The following PROCR variants were observed in gnomAD, a reference collection of about 807,000 sequenced individuals.
PROCR encodes the protein endothelial protein C receptor.
A neutral mutation model predicts 24.2 loss-of-function variants in PROCR; 22 were observed. The ratio of observed to expected loss-of-function variants is 0.91; its 90% CI spans 0.65 to 1.30. The LOEUF is 1.30. PROCR is among the 50% of genes most tolerant of loss of function. PROCR has a pLI of 0.00. For synonymous variants in PROCR, 137 were observed against 139.2 expected (o/e 0.98, Z 0.11); for missense variants, 288 against 307.7 (o/e 0.94, Z 0.48).
rs916185418 is a variant in PROCR, at chr20:35,209,396, C to T, written c.95-6497C>T. 4.6e-5 allele frequency among the ~76,000 whole-genome samples: 7 copies of T among 152,046 alleles called. No individual in the cohort carries two copies. In the East Asian group the frequency reaches 7.7e-4, roughly 17 times the overall value. On this transcript the variant is annotated intron_variant, in intron 1 of 1. Transcript: ENST00000634509. ...GGCTTTTTGCAGTTCGGGAATCCCACGAGACATTAAGGTATAGATGTGGAA... is the reference window on the plus strand; with the variant it reads ...GGCTTTTTGCAGTTCGGGAATCCCATGAGACATTAAGGTATAGATGTGGAA...
At chr20:35,188,955 A>G (rs1283052822) in intron 1 of PROCR, among the ~76,000 whole-genome samples, 2 of 152,148 alleles carry the variant, frequency 1.3e-5, no homozygotes, top group African/African-American at 4.8e-5. Flanking sequence ...TTAATCTCTT[A>G]ATCCCATCAT....
intron 1 of PROCR, among the ~76,000 whole-genome samples, chr20:35,183,515 GCA>G (rs2086097099): frequency 6.6e-6 from 1 of 152,122 alleles, no homozygotes; most frequent in Admixed American, 6.6e-5. Flanking sequence ...TGTACATCCT[GCA>G]GAAGTGTGAG....
At chr20:35,215,928 T>G in exon 2 of PROCR, 1 of 980,468 alleles carries the variant, frequency 1.0e-6, no homozygotes, top group South Asian at 4.7e-5. Flanking sequence ...CCGGGCGCAG[T>G]GGCTCACTCC....
rs951164718 is a variant in PROCR at position 35,195,681 on chromosome 20, T to G, written c.94+19235T>G. 2.0e-5 allele frequency among the ~76,000 whole-genome samples: 3 copies of G among 150,956 alleles called. No individual in the cohort carries two copies. The South Asian group carries it at 6.3e-4, about 32-fold the overall frequency. On this transcript the variant is annotated intron_variant, in intron 1 of 1. Coordinates refer to the PROCR transcript ENST00000634509. ...ACTAAAAACACAAAAATTAGCCAGG[T>G]GTGGTGGTGCTTGCCTATAATCCCA...
intron 1 of PROCR, among the ~76,000 whole-genome samples, chr20:35,184,857 A>C (rs1211804277): frequency 6.6e-6 from 1 of 152,170 alleles, no homozygotes; most frequent in Non-Finnish European, 1.5e-5. Flanking sequence ...TTGCAATATA[A>C]ATAAAGGTAA....
At chr20:35,199,516 C>T (rs770830207) in intron 1 of PROCR, among the ~76,000 whole-genome samples, 2 of 152,022 alleles carry the variant, frequency 1.3e-5, no homozygotes, top group Non-Finnish European at 2.9e-5. Flanking sequence ...TTTGAGAGGC[C>T]GAGGTGGGCG....
intron 1 of PROCR, among the ~76,000 whole-genome samples, chr20:35,185,392 C>A (rs1375122167): frequency 6.6e-6 from 1 of 152,128 alleles, no homozygotes. Flanking sequence ...TGGGTATCTA[C>A]CCCGAGGAAA....
At position 35,174,938 on chromosome 20, in the gene PROCR, G is replaced by T; in HGVS notation, c.307G>T (p.Glu103Ter). 1 of 1,577,072 alleles carries T rather than the reference G, an allele frequency of 6.3e-7. No homozygotes were observed. Among genetic ancestry groups the T allele is most frequent in the Non-Finnish European group, 8.6e-7 (1 of 1,162,652 alleles). ...FHGLVRLVHQ[E>*]RTLAFPLTIR... ...CGGCCTCGTGCGCCTGGTGCACCAG[G>T]AGCGGACCTTGGCCTGTGAGTAGGC... Residue 103 changes from glutamate (E) to a stop codon, truncating the protein, a stop_gained, in exon 2 of 4, where the codon GAG (glutamate) becomes TAG (stop). Transcript: ENST00000216968. LOFTEE classifies it high-confidence loss of function.
intron 1 of PROCR, among the ~76,000 whole-genome samples, chr20:35,207,136 G>GA (rs1437238330): frequency 2.0e-5 from 3 of 152,118 alleles, no homozygotes; most frequent in Non-Finnish European, 4.4e-5. Context: ...GTCTGGAAAA[G>GA]AAAAAACTAT....
chr20:35,205,792 T>C (rs1012671890), intron 1 of PROCR, among the ~76,000 whole-genome samples: 1 of 139,986 alleles, frequency 7.1e-6, no homozygotes, highest in African/African-American at 2.7e-5. Flanking sequence ...TATATATGTA[T>C]ATATACACAC....
At chr20:35,208,577 C>T (rs903214152) in intron 1 of PROCR, among the ~76,000 whole-genome samples, 5 of 152,148 alleles carry the variant, frequency 3.3e-5, no homozygotes, top group African/African-American at 9.7e-5. Flanking sequence ...CTGCCCCCTA[C>T]CGTGAACATA....
At chr20:35,208,616 C>T (rs1311676138) in intron 1 of PROCR, among the ~76,000 whole-genome samples, 1 of 152,160 alleles carries the variant, frequency 6.6e-6, no homozygotes, top group East Asian at 1.9e-4. Flanking sequence ...CAAAAACACA[C>T]AGCAGAACAC....
At chr20:35,191,842 CGAGAA>C (rs951157570) in intron 1 of PROCR, among the ~76,000 whole-genome samples, 2 of 152,104 alleles carry the variant, frequency 1.3e-5, no homozygotes, top group African/African-American at 2.4e-5. Flanking sequence ...TGGAGGCTTT[CGAGAA>C]GAGGACTGAC....
downstream of PROCR, among the ~76,000 whole-genome samples, chr20:35,177,558 C>A (rs1016017284): frequency 6.6e-6 from 1 of 150,480 alleles, no homozygotes. Flanking sequence ...AGCAATTCTC[C>A]TGCCTCAGCC....
At chr20:35,190,290 C>T (rs1240473885) in intron 1 of PROCR, among the ~76,000 whole-genome samples, 1 of 152,148 alleles carries the variant, frequency 6.6e-6, no homozygotes, top group African/African-American at 2.4e-5. Flanking sequence ...AGATCCAACT[C>T]GCAATGCAGG....
intron 1 of PROCR, among the ~76,000 whole-genome samples, chr20:35,189,451 T>C (rs2086155230): frequency 6.6e-6 from 1 of 152,180 alleles, no homozygotes; most frequent in Non-Finnish European, 1.5e-5. Flanking sequence ...TCAATGACAA[T>C]GCATGCACAG....
At chr20:35,212,466 C>T (rs910544811) in intron 1 of PROCR, among the ~76,000 whole-genome samples, 1 of 152,150 alleles carries the variant, frequency 6.6e-6, no homozygotes, top group Non-Finnish European at 1.5e-5. Flanking sequence ...CTGCAAATTA[C>T]GTAGCAGGTC....
rs1440316814 is a variant in PROCR at position 35,176,453 on chromosome 20, T to C, written c.601+7T>C. On this transcript the variant is annotated splice_region_variant and intron_variant, in intron 3 of 3. Coordinates refer to ENST00000216968, the MANE Select transcript of PROCR (RefSeq NM_006404.5). ...TCCGCGGAAAACACGAAAGGTATGATGGGACGGGGCCCAGGCCTGCAAGCT... is the reference window on the plus strand; with the variant it reads ...TCCGCGGAAAACACGAAAGGTATGACGGGACGGGGCCCAGGCCTGCAAGCT... 1.7e-5 allele frequency: 27 copies of C among 1,613,382 alleles called. No individual in the cohort carries two copies. Among genetic ancestry groups the C allele is most frequent in the Non-Finnish European group, 2.2e-5 (26 of 1,179,638 alleles).
chr20:35,214,907 CTT>C (rs71198708), intron 1 of PROCR, among the ~76,000 whole-genome samples: 8 of 119,500 alleles, frequency 6.7e-5, no homozygotes, highest in Admixed American at 1.8e-4. Context: ...TTTTCTTTTT[CTT>C]TTTTTTTTTT....
Sources: allele counts gnomAD v4.1 joint callset (sites outside exome capture counted in the v4.1 genomes callset), GRCh38; gene constraint gnomAD v4.1.1; transcripts MANE v1.5; gene names NCBI Gene and HGNC (gene_info 2026-07-23, HGNC 2026-07-21).